Variants in TMPRSS9 observed in about 807,000 individuals in gnomAD.
The protein encoded by TMPRSS9 is transmembrane serine protease 9, also known as transmembrane protease serine 9.
TMPRSS9 carries 113 observed loss-of-function variants against 111.4 expected under a neutral mutation model. The ratio of observed to expected loss-of-function variants is 1.01; its 90% CI spans 0.87 to 1.19. The LOEUF (loss-of-function observed/expected upper bound fraction) is 1.19. TMPRSS9 is among the 50% of genes most tolerant of loss of function. The pLI, the probability that TMPRSS9 is intolerant of heterozygous loss-of-function variation, is 0.00. For missense variants in TMPRSS9, 1,803 were observed against 1,513.1 expected, an observed-to-expected ratio of 1.19 and a Z score of -3.18; for synonymous variants, 805 against 659.1, an observed-to-expected ratio of 1.22 and a Z score of -3.39.
intron 1 of TMPRSS9, among the ~76,000 whole-genome samples, chr19:2,391,340 G>A (rs1970588243): frequency 6.8e-6 from 1 of 147,094 alleles, no homozygotes; most frequent in Non-Finnish European, 1.5e-5. Context: ...GTAAGTTCGC[G>A]ATCCTATGAG....
In TMPRSS9 at chr19:2,424,939, CACAGGG is replaced by C. The variant is rs1971571262; in HGVS notation, c.2718-62_2718-57del. 8 of 1,387,956 alleles carry C rather than the reference CACAGGG, an allele frequency of 5.8e-6. No individual in the cohort carries two copies. In the South Asian group the frequency reaches 9.5e-5, roughly 16 times the overall value. 86.0% of individuals were successfully genotyped at this position (1,387,956 alleles called of 1,614,324 possible). ...GTGCCAGCCGGCCGCTGGGGGACAC[CACAGGG>C]GCGGGGGCCGGGGGCGTGGGGGCTC... On this transcript the variant is annotated intron_variant, in intron 15 of 17. Transcript: ENST00000648592.
chr19:2,389,290 G>A (rs999472515), upstream of TMPRSS9, among the ~76,000 whole-genome samples: 7 of 150,610 alleles, frequency 4.6e-5, no homozygotes, highest in Admixed American at 1.3e-4. Context: ...GGCCAGGCTG[G>A]TCTCAAACTC....
chr19:2,360,275 C>T (rs972333689), exon 1 of TMPRSS9, among the ~76,000 whole-genome samples: 1 of 152,174 alleles, frequency 6.6e-6, no homozygotes, highest in African/African-American at 2.4e-5. Flanking sequence ...AGTAGCGGTG[C>T]AGCCTCGTCG....
At chr19:2,418,161 C>A (rs370986274) in intron 13 of TMPRSS9, 23 bp downstream of exon 14, 2 of 1,583,500 alleles carry the variant, frequency 1.3e-6, no homozygotes, top group East Asian at 2.2e-5. Context: ...AGGGGGAAAG[C>A]GGGCAATATT....
chr19:2,373,948 C>T (rs1270390359), intron 1 of TMPRSS9, among the ~76,000 whole-genome samples: 2 of 152,204 alleles, frequency 1.3e-5, no homozygotes, highest in Non-Finnish European at 2.9e-5. Flanking sequence ...ATGCTTTTGT[C>T]TGTACCAACT....
chr19:2,390,128 A>G (rs1490630544), intron 1 of TMPRSS9, among the ~76,000 whole-genome samples: 1 of 152,060 alleles, frequency 6.6e-6, no homozygotes, highest in Non-Finnish European at 1.5e-5. Context: ...TCCCGACTAA[A>G]GAAGCTCCCG....
At chr19:2,383,225 G>A (rs373997909) in intron 1 of TMPRSS9, among the ~76,000 whole-genome samples, 8 of 151,974 alleles carry the variant, frequency 5.3e-5, no homozygotes, top group African/African-American at 1.9e-4. Context: ...ATGGTGGCAG[G>A]CACCTGTAAT....
chr19:2,388,412 G>A (rs1031802768), upstream of TMPRSS9, among the ~76,000 whole-genome samples: 7 of 152,010 alleles, frequency 4.6e-5, no homozygotes, highest in African/African-American at 1.4e-4. Context: ...GGAGGCGGGA[G>A]GGTGAGAAAG....
chr19:2,401,823 G>A lies in TMPRSS9; in HGVS notation c.515-152G>A, dbSNP rs955866006. 6.4e-5 allele frequency: 25 copies of A among 390,816 alleles called. No individual in the cohort carries two copies. The East Asian group carries it at 1.6e-3, about 24-fold the overall frequency. The allele number at this position is 390,816 out of a possible 1,614,324, so 24.2% of individuals were successfully genotyped here. On this transcript the variant is annotated intron_variant, in intron 4 of 17. Transcript: ENST00000648592. ...GGGTTTCACCATGTTGGCCAGGCTGGTCTGTAACTCCTGACCGCAAATGAT... is the reference window on the plus strand; with the variant it reads ...GGGTTTCACCATGTTGGCCAGGCTGATCTGTAACTCCTGACCGCAAATGAT...
chr19:2,377,125 T>C (rs1599277174), intron 1 of TMPRSS9, among the ~76,000 whole-genome samples: 2 of 151,244 alleles, frequency 1.3e-5, no homozygotes, highest in East Asian at 4.0e-4. Flanking sequence ...ACAGTTCAGG[T>C]GTGTCCCACA....
At chr19:2,389,875 C>T (rs1970549221) in exon 1 of TMPRSS9, 1 of 1,613,736 alleles carries the variant, frequency 6.2e-7, no homozygotes. Context: ...GAGCGGCCAG[C>T]ATTGGCGTGG....
upstream of TMPRSS9, chr19:2,389,667 C>T (rs1386493994): frequency 1.2e-5 from 15 of 1,298,508 alleles, no homozygotes; most frequent in South Asian, 1.5e-5. Context: ...CGCGCCCCGC[C>T]GTTTTTAAGG....
intron 1 of TMPRSS9, among the ~76,000 whole-genome samples, chr19:2,393,329 G>T (rs1970638739): frequency 6.6e-6 from 1 of 152,098 alleles, no homozygotes; most frequent in Non-Finnish European, 1.5e-5. Flanking sequence ...CAGGAGGAAT[G>T]AACAACTCCA....
upstream of TMPRSS9, among the ~76,000 whole-genome samples, chr19:2,386,519 C>CA (rs760132987): frequency 6.7e-3 from 1,001 of 150,348 alleles, 12 homozygotes; most frequent in African/African-American, 0.022. Context: ...AAAAAAAAAC[C>CA]AAAAAAACAA....
At chr19:2,419,737 G>A (rs62122260) in intron 13 of TMPRSS9, among the ~76,000 whole-genome samples, 11,978 of 151,862 alleles carry the variant, frequency 0.079, 654 homozygotes, top group East Asian at 0.26. Flanking sequence ...GGCTGGTCTC[G>A]AACTCCTGAC....
intron 9 of TMPRSS9, 31 bp from the exon 11 acceptor site, chr19:2,413,669 C>T (rs752291975): frequency 1.9e-6 from 3 of 1,577,166 alleles, no homozygotes; most frequent in South Asian, 1.1e-5. Context: ...CTGCTGCCGA[C>T]CCATCCTGAG....
chr19:2,382,581 C>G (rs1970397369), intron 1 of TMPRSS9, among the ~76,000 whole-genome samples: 1 of 143,818 alleles, frequency 7.0e-6, no homozygotes, highest in Admixed American at 7.2e-5. Flanking sequence ...GATGCACACA[C>G]AGATGCACAT....
intron 1 of TMPRSS9, among the ~76,000 whole-genome samples, chr19:2,366,826 C>T (rs1468530074): frequency 1.4e-5 from 2 of 142,046 alleles, no homozygotes; most frequent in Non-Finnish European, 3.0e-5. Flanking sequence ...CACTGCACTC[C>T]AGCCTGGGCG....
chr19:2,397,394 G>C (rs948700637), intron 2 of TMPRSS9, among the ~76,000 whole-genome samples: 3 of 151,846 alleles, frequency 2.0e-5, no homozygotes, highest in Admixed American at 6.6e-5. Context: ...GGGTTCAAGC[G>C]ATTCTCCTGT....
Sources: allele counts gnomAD v4.1 joint callset (sites outside exome capture counted in the v4.1 genomes callset), GRCh38; gene constraint gnomAD v4.1.1; transcripts MANE v1.5; gene names NCBI Gene and HGNC (gene_info 2026-07-23, HGNC 2026-07-21).